Variants in KCNIP4 observed in about 807,000 individuals in gnomAD.
The protein encoded by KCNIP4 is Kv channel-interacting protein 4.
A neutral mutation model predicts 34.0 loss-of-function variants in KCNIP4; 12 were observed. The observed-to-expected ratio is 0.35, with a 90% CI of 0.23 to 0.57. The LOEUF (loss-of-function observed/expected upper bound fraction) is 0.57. KCNIP4 is among the 20% of genes least tolerant of loss of function. The pLI is 0.83. For synonymous variants in KCNIP4, 124 were observed against 102.2 expected (o/e 1.21, Z -1.29); for missense variants, 238 against 311.7 (o/e 0.76, Z 1.78).
At chr4:21,799,688 G>T (rs2109250366) in intron 1 of KCNIP4, among the ~76,000 whole-genome samples, 1 of 152,286 alleles carries the variant, frequency 6.6e-6, no homozygotes, top group East Asian at 1.9e-4. Flanking sequence ...CAGGCCCTTA[G>T]AACAGCATTG....
chr4:21,736,426 A>T (rs1410511674), intron 1 of KCNIP4, among the ~76,000 whole-genome samples: 2 of 152,200 alleles, frequency 1.3e-5, no homozygotes, highest in Non-Finnish European at 1.5e-5. Flanking sequence ...TGACACACAG[A>T]ATAAATCTAT....
At chr4:21,034,251 G>A (rs1741265401) in intron 1 of KCNIP4, among the ~76,000 whole-genome samples, 1 of 152,132 alleles carries the variant, frequency 6.6e-6, no homozygotes, top group Admixed American at 6.6e-5. Flanking sequence ...CAGAGCCAAA[G>A]TGAATTATAT....
At chr4:21,092,602 A>G (rs1260082769) in intron 1 of KCNIP4, among the ~76,000 whole-genome samples, 1 of 151,892 alleles carries the variant, frequency 6.6e-6, no homozygotes, top group African/African-American at 2.4e-5. Flanking sequence ...CCCCAACCAC[A>G]TGTTGAGATT....
chr4:21,110,545 G>A (rs1749070181), intron 1 of KCNIP4, among the ~76,000 whole-genome samples: 1 of 152,136 alleles, frequency 6.6e-6, no homozygotes, highest in Non-Finnish European at 1.5e-5. Flanking sequence ...AGACTTCTCT[G>A]GCTTTTTAAT....
intron 1 of KCNIP4, among the ~76,000 whole-genome samples, chr4:21,628,501 C>T (rs138249962): frequency 1.1e-4 from 16 of 152,282 alleles, no homozygotes; most frequent in African/African-American, 3.8e-4. Context: ...GCACTCAATA[C>T]TAGTGGCAGT....
At chr4:20,850,776 CCA>C (rs1720932906) in intron 2 of KCNIP4, 109 bp from the exon 3 acceptor site, 3 of 1,308,150 alleles carry the variant, frequency 2.3e-6, no homozygotes, top group Non-Finnish European at 3.1e-6. Flanking sequence ...CTGTGACTGT[CCA>C]CAGAGGAAGG....
intron 1 of KCNIP4, among the ~76,000 whole-genome samples, chr4:21,259,346 C>T (rs965110723): frequency 9.9e-5 from 15 of 152,210 alleles, no homozygotes; most frequent in African/African-American, 3.4e-4. Flanking sequence ...TAATTATACT[C>T]ATGCTCCATT....
chr4:20,763,879 C>T (rs1755163997), intron 3 of KCNIP4, among the ~76,000 whole-genome samples: 2 of 152,084 alleles, frequency 1.3e-5, no homozygotes, highest in Admixed American at 1.3e-4. Flanking sequence ...TGAAGATTAT[C>T]AAGTCATTTA....
chr4:21,462,089 A>G (rs1258684167), intron 1 of KCNIP4, among the ~76,000 whole-genome samples: 1 of 152,074 alleles, frequency 6.6e-6, no homozygotes, highest in African/African-American at 2.4e-5. Context: ...GAAATAAACA[A>G]TACATTCTTA....
intron 1 of KCNIP4, among the ~76,000 whole-genome samples, chr4:21,808,193 T>G (rs1010742573): frequency 6.6e-6 from 1 of 152,196 alleles, no homozygotes; most frequent in Admixed American, 6.5e-5. Context: ...AATAGGAATC[T>G]GCTTTAGTCT....
chr4:21,844,774 C>T (rs1723904692), intron 1 of KCNIP4: 1 of 151,940 alleles, frequency 6.6e-6, no homozygotes, highest in Non-Finnish European at 1.5e-5. Context: ...TGAAGTCATT[C>T]TATTATTAAA....
At chr4:21,782,093 T>C (rs1719610838) in intron 1 of KCNIP4, among the ~76,000 whole-genome samples, 1 of 152,060 alleles carries the variant, frequency 6.6e-6, no homozygotes, top group Non-Finnish European at 1.5e-5. Flanking sequence ...ACTTAAGCAC[T>C]AACAAGCATA....
intron 1 of KCNIP4, among the ~76,000 whole-genome samples, chr4:21,003,039 T>C (rs528079543): frequency 1.3e-5 from 2 of 152,264 alleles, no homozygotes; most frequent in South Asian, 4.2e-4. Flanking sequence ...ATAATGACAA[T>C]CACAGCAACA....
intron 1 of KCNIP4, among the ~76,000 whole-genome samples, chr4:21,520,042 G>T (rs13120577): frequency 6.6e-6 from 1 of 151,604 alleles, no homozygotes; most frequent in Non-Finnish European, 1.5e-5. Context: ...AGCATCCAGC[G>T]CAGGAGAAGG....
At chr4:21,418,689 A>G (rs192844000) in intron 1 of KCNIP4, among the ~76,000 whole-genome samples, 147 of 152,228 alleles carry the variant, frequency 9.7e-4, no homozygotes, top group Non-Finnish European at 1.8e-3. Flanking sequence ...CATGTAAGCA[A>G]ATGTCTTCAG....
intron 1 of KCNIP4, among the ~76,000 whole-genome samples, chr4:21,731,771 TATATA>T (rs1329559324): frequency 6.6e-6 from 1 of 152,182 alleles, no homozygotes; most frequent in Non-Finnish European, 1.5e-5. Flanking sequence ...TGTGGTTATC[TATATA>T]ATATTGTCAC....
intron 2 of KCNIP4, among the ~76,000 whole-genome samples, chr4:20,862,600 G>A (rs191716988): frequency 2.6e-4 from 39 of 152,158 alleles, no homozygotes; most frequent in Admixed American, 2.2e-3. Flanking sequence ...CCCTATCAAA[G>A]GAGTGCCTCA....
rs115733302 is a variant in KCNIP4 at position 21,751,068 on chromosome 4, A to G, written c.61+197503T>C. Among the ~76,000 whole-genome samples, 330 of 152,270 alleles carry G rather than the reference A, an allele frequency of 2.2e-3. 1 individual carries two copies. The highest frequency in any genetic ancestry group is 7.6e-3 in the African/African-American group (314 of 41,564). ...AAATGAATTGAGCCTGATCTCATGG[A>G]AATTCTACAGAGGTAGGTAGGGAAG... is the stretch of plus-strand genomic sequence containing the variant. On this transcript the variant is annotated intron_variant, in intron 1 of 8. Transcript: ENST00000382152.
chr4:21,034,658 G>A (rs1028518553), intron 1 of KCNIP4, among the ~76,000 whole-genome samples: 1 of 152,104 alleles, frequency 6.6e-6, no homozygotes, highest in Admixed American at 6.6e-5. Context: ...CAATGAAGGG[G>A]CCCATTAATT....
Sources: gnomAD v4.1 joint callset for allele counts (sites outside exome capture counted in the v4.1 genomes callset) on GRCh38, gnomAD v4.1.1 for gene constraint, MANE v1.5 for transcripts, NCBI Gene and HGNC (gene_info 2026-07-23, HGNC 2026-07-21) for gene names.